The following KDM5B variants were observed in gnomAD, a reference collection of about 807,000 sequenced individuals.
KDM5B encodes lysine-specific demethylase 5B.
A neutral mutation model predicts 193.4 loss-of-function variants in KDM5B; 144 were observed. That is an observed-to-expected ratio of 0.74 (90% confidence interval 0.65 to 0.86). The LOEUF (loss-of-function observed/expected upper bound fraction) is 0.86. Among genes scored for constraint, KDM5B ranks in the 40% least tolerant of loss-of-function variants. The pLI, the probability that KDM5B is intolerant of heterozygous loss-of-function variation, is 0.00. For missense variants in KDM5B, 1,833 were observed against 1,886.9 expected (o/e 0.97, Z 0.53); for synonymous variants, 668 against 682.6 (o/e 0.98, Z 0.33).
In KDM5B at chr1:202,737,633, G is replaced by C. The variant is rs189804258; in HGVS notation, c.3085-1241C>G. ...AAAAATGTTTAACTTGGATGCACCA[G>C]GGCTTTAAAACTAACTTCCAATTTA... On this transcript the variant is annotated intron_variant, in intron 20 of 26. Transcript: ENST00000367265. Among the ~76,000 whole-genome samples, 4 of 152,256 alleles carry C rather than the reference G, an allele frequency of 2.6e-5. No individual in the cohort carries two copies. In the East Asian group the frequency reaches 7.7e-4, roughly 29 times the overall value.
At chr1:202,764,204 T>A (rs1656358080) in intron 5 of KDM5B, 59 bp from the exon 6 acceptor site, 2 of 935,724 alleles carry the variant, frequency 2.1e-6, no homozygotes, top group African/African-American at 3.3e-5. Context: ...TCTTTAAAAA[T>A]CCAACTGGAA....
intron 1 of KDM5B, among the ~76,000 whole-genome samples, chr1:202,782,358 A>T (rs1417675181): frequency 2.0e-5 from 3 of 151,716 alleles, no homozygotes; most frequent in African/African-American, 7.3e-5. Context: ...TGGGACACGA[A>T]TTTTTTTTTC....
chr1:202,758,531 G>A (rs542649496), intron 8 of KDM5B, 21 bp from the exon 9 acceptor site: 14 of 1,576,162 alleles, frequency 8.9e-6, no homozygotes, highest in African/African-American at 2.7e-5. Context: ...AGAAAATTAC[G>A]TTCTAGGTGA....
At chr1:202,773,410 CAT>C (rs540407172) in intron 3 of KDM5B, 122 bp from the exon 4 acceptor site, 15 of 702,688 alleles carry the variant, frequency 2.1e-5, no homozygotes, top group Non-Finnish European at 3.1e-5. Context: ...TTTTGCCAAT[CAT>C]ATATATATAC....
At chr1:202,783,694 G>A (rs959686838) in intron 1 of KDM5B, among the ~76,000 whole-genome samples, 2 of 151,644 alleles carry the variant, frequency 1.3e-5, no homozygotes, top group African/African-American at 2.4e-5. Flanking sequence ...TGGCTAACAC[G>A]GTGAAACCCC....
At chr1:202,740,893 C>A in intron 19 of KDM5B, 81 bp from the exon 20 acceptor site, 1 of 1,409,800 alleles carries the variant, frequency 7.1e-7, no homozygotes, top group South Asian at 1.3e-5. Context: ...ACTAGCATTT[C>A]AAAGGAAATT....
intron 4 of KDM5B, 42 bp from the exon 5 acceptor site, chr1:202,767,102 T>A: frequency 6.2e-7 from 1 of 1,603,476 alleles, no homozygotes; most frequent in Non-Finnish European, 8.5e-7. Context: ...TCCTTTTTTT[T>A]TTCACATCAT....
In KDM5B at chr1:202,746,207, G is replaced by A. The variant is rs1244433406; in HGVS notation, c.2133C>T (p.Gly711=). 1 of 1,613,680 alleles carries A rather than the reference G, an allele frequency of 6.2e-7. No homozygotes were observed. Among genetic ancestry groups the A allele is most frequent in the Non-Finnish European group, 8.5e-7 (1 of 1,179,696 alleles). Residue 711 remains glycine (G), a synonymous_variant, in exon 15 of 27, where the codon GGC becomes GGT. Transcript: ENST00000367265. ...TTACATGATGCAGGCAAACAAGAAG[G>A]CCAGGTTTACAAGAACAGGAGATGG... ...MSAISCSCKP[G]LLVCLHHVKE... is the part of the protein sequence containing the mutation.
intron 2 of KDM5B, chr1:202,776,288 TGACA>T (rs956063251): frequency 4.6e-5 from 7 of 152,146 alleles, no homozygotes; most frequent in Non-Finnish European, 7.3e-5. Flanking sequence ...CCCTACCACG[TGACA>T]GACAAAGAAT....
intron 7 of KDM5B, among the ~76,000 whole-genome samples, chr1:202,762,440 A>C (rs1656289189): frequency 6.6e-6 from 1 of 152,232 alleles, no homozygotes; most frequent in Non-Finnish European, 1.5e-5. Context: ...GTCAGTGCTA[A>C]ACTGAATGTA....
chr1:202,807,717 G>A (rs1393376257), intron 1 of KDM5B, among the ~76,000 whole-genome samples: 1 of 119,824 alleles, frequency 8.3e-6, no homozygotes, highest in Non-Finnish European at 1.6e-5. Context: ...GCCGAGCCTC[G>A]CCGGGCCCAC....
chr1:202,757,895 G>T (rs1162578260), intron 9 of KDM5B, among the ~76,000 whole-genome samples: 1 of 152,136 alleles, frequency 6.6e-6, no homozygotes, highest in African/African-American at 2.4e-5. Context: ...ATTACATTTT[G>T]GTGTACTCAT....
At chr1:202,764,276 C>T in intron 5 of KDM5B, 131 bp from the exon 6 acceptor site, 1 of 532,370 alleles carries the variant, frequency 1.9e-6, no homozygotes, top group East Asian at 3.4e-5. Context: ...ACATACTTCT[C>T]TCTCTTCCTA....
chr1:202,750,685 C>G lies in KDM5B; in HGVS notation c.1795G>C (p.Ala599Pro). 1 of 1,613,958 alleles carries G rather than the reference C, an allele frequency of 6.2e-7. No individual in the cohort carries two copies. Among genetic ancestry groups the G allele is most frequent in the Non-Finnish European group, 8.5e-7 (1 of 1,179,898 alleles). Residue 599 changes from alanine (A) to proline (P), a missense_variant, in exon 13 of 27, where the codon GCT (alanine) becomes CCT (proline). Coordinates refer to ENST00000367265, the MANE Select transcript of KDM5B (RefSeq NM_006618.5). Reference sequence around the variant, plus strand: ...CAATCAACAGTGCAGAAGTTAACAGCCTCAGCAAAATTAAAACCCTGGTTA... The same window carrying G: ...CAATCAACAGTGCAGAAGTTAACAGGCTCAGCAAAATTAAAACCCTGGTTA... ...GFNQGFNFAE[A>P]VNFCTVDWLP...
At position 202,740,682 on chromosome 1, in the gene KDM5B, C is replaced by T. The variant is rs1199667437; in HGVS notation, c.3076G>A (p.Gly1026Ser). The T allele has an allele frequency of 9.9e-6, 16 of 1,611,420 alleles. No homozygotes were observed. Among genetic ancestry groups the T allele is most frequent in the Non-Finnish European group, 1.7e-6 (2 of 1,179,176 alleles). Residue 1026 changes from glycine to serine, a missense_variant, in exon 20 of 27, where the codon GGC becomes AGC. This residue lies in a region of KDM5B where 1,379 missense variants were observed against 1,349.6 expected (regional missense o/e 1.02). Transcript: ENST00000367265. ...TACTTTTTAAAACCAACCTGCAGGC[C>T]CTCTACATCCTGAAGCCAGTCTCTG... ...RARDWLQDVE[G>S]LQAGGRVPVL...
chr1:202,732,056 A>C (rs77983591), intron 23 of KDM5B, 117 bp from the exon 24 acceptor site: 64 of 614,724 alleles, frequency 1.0e-4, no homozygotes, highest in Admixed American at 2.7e-4. Context: ...AAAAAAAAAA[A>C]ACAACTTGAT....
chr1:202,744,779 G>A (rs532647876), intron 16 of KDM5B, among the ~76,000 whole-genome samples: 5 of 152,216 alleles, frequency 3.3e-5, no homozygotes, highest in Middle Eastern at 6.8e-3. Context: ...CCATTTGACC[G>A]AGCAATGCCA....
chr1:202,756,370 T>G lies in KDM5B; in HGVS notation c.1344A>C (p.Ser448=). The G allele has an allele frequency of 1.1e-5, 17 of 1,610,344 alleles. No individual in the cohort carries two copies. The highest frequency in any genetic ancestry group is 1.4e-5 in the Non-Finnish European group (17 of 1,178,450). The part of the protein sequence containing the change: ...FPVRDGKIKL[S]PEEEEYLDSG... The stretch of plus-strand genomic sequence containing the variant: ...CTTATATGCCTACCTCTTCCTCAGG[T>G]GAGAGTTTGATTTTCCCATCTCGGA... The change falls in exon 10 of 27, where the codon TCA becomes TCC. Residue 448 remains serine (S), a synonymous_variant. Transcript: ENST00000367265.
rs1655546822 is a variant in KDM5B at position 202,746,135 on chromosome 1, T to C, written c.2198+7A>G. The C allele has an allele frequency of 6.2e-7, 1 of 1,602,590 alleles. No homozygotes were observed. Among genetic ancestry groups the C allele is most frequent in the South Asian group, 1.1e-5 (1 of 90,254 alleles). On this transcript the variant is annotated splice_region_variant and intron_variant, in intron 15 of 26. Transcript: ENST00000367265. ...CCATAGGAAAAAAAATCGTTCTTCC[T>C]ACTTACCGCAATTTATATTTGTAAG...
Sources: gnomAD v4.1 joint callset for allele counts (sites outside exome capture counted in the v4.1 genomes callset) on GRCh38, gnomAD v4.1.1 for gene constraint, gnomAD v4.1.1 regional missense constraint, MANE v1.5 for transcripts, NCBI Gene and HGNC (gene_info 2026-07-23, HGNC 2026-07-21) for gene names.